The following ABCA4 variants were observed in gnomAD, a reference collection of about 807,000 sequenced individuals.
ABCA4 encodes the protein retinal-specific phospholipid-transporting ATPase ABCA4.
ABCA4 carries 196 observed loss-of-function variants against 263.7 expected under a neutral mutation model. The observed-to-expected ratio is 0.74, with a 90% confidence interval of 0.66 to 0.84. ABCA4 has a LOEUF of 0.84. Among genes scored for constraint, ABCA4 ranks in the 40% least tolerant of loss-of-function variants. ABCA4 has a pLI of 0.00. For synonymous variants in ABCA4, 1,133 were observed against 1,094.2 expected, an observed-to-expected ratio of 1.04 and a Z score of -0.70; for missense variants, 2,792 against 2,855.1, an observed-to-expected ratio of 0.98 and a Z score of 0.50.
intron 44 of ABCA4, among the ~76,000 whole-genome samples, chr1:94,003,230 A>C (rs1409259123): frequency 6.6e-6 from 1 of 152,174 alleles, no homozygotes; most frequent in Non-Finnish European, 1.5e-5. Flanking sequence ...TCTCTTCTGC[A>C]CAAGATGTAG....
chr1:94,006,039 A>G (rs1659369866), intron 43 of ABCA4, among the ~76,000 whole-genome samples: 1 of 152,194 alleles, frequency 6.6e-6, no homozygotes, highest in Non-Finnish European at 1.5e-5. Context: ...ATAACTACCC[A>G]CAGCGAGAGG....
At chr1:94,023,188 C>G (rs557683583) in intron 32 of ABCA4, among the ~76,000 whole-genome samples, 198 bp downstream of exon 32, 9 of 152,290 alleles carry the variant, frequency 5.9e-5, no homozygotes, top group South Asian at 4.1e-4. Flanking sequence ...TTATGTCCTC[C>G]AAGAAGAGGC....
chr1:94,048,793 T>C, intron 18 of ABCA4, 75 bp downstream of exon 18: 3 of 1,380,892 alleles, frequency 2.2e-6, no homozygotes, highest in Non-Finnish European at 2.1e-6. Flanking sequence ...TGCCATGAGA[T>C]GTTTTGCTCT....
intron 11 of ABCA4, among the ~76,000 whole-genome samples, chr1:94,072,681 T>C (rs192488961): frequency 6.6e-6 from 1 of 152,334 alleles, no homozygotes; most frequent in East Asian, 1.9e-4. Flanking sequence ...AGGACCCATT[T>C]GTCCTGTGTC....
Position 94,097,757 on chromosome 1 carries a change from T to C in ABCA4, c.768+1037A>G, listed in dbSNP as rs185764536. On this transcript the variant is annotated intron_variant, in intron 6 of 49. Coordinates refer to ENST00000370225, the MANE Select transcript of ABCA4 (RefSeq NM_000350.3). ...GGGTTTTTTTGGTTTGTTTGTTTGT[T>C]TGTTTTTATTGAGACGGAGTCTTGC... is the stretch of plus-strand genomic sequence containing the variant. 2.6e-3 allele frequency among the ~76,000 whole-genome samples: 389 copies of C among 152,274 alleles called. 3 individuals carry two copies. Among genetic ancestry groups the C allele is most frequent in the African/African-American group, 8.8e-3 (365 of 41,566 alleles).
At chr1:94,085,060 T>C (rs745950356) in intron 6 of ABCA4, among the ~76,000 whole-genome samples, 2 of 152,166 alleles carry the variant, frequency 1.3e-5, no homozygotes, top group South Asian at 4.1e-4. Flanking sequence ...GCTGTAGCAA[T>C]TGGGGGAAAG....
At position 94,060,742 on chromosome 1, in the gene ABCA4, T is replaced by C. The variant is rs1463298297; in HGVS notation, c.1955A>G (p.Asn652Ser). The change falls in exon 14 of 50, where the codon AAC becomes AGC. Residue 652 changes from asparagine to serine, a missense_variant. Transcript: ENST00000370225. ...CACCATGAAGATAGGGAAACAGCGG[T>C]TCAGGATGATCATGAAACTAAAGCA... The part of the protein sequence containing the change: ...FVDDSFMIIL[N>S]RCFPIFMVLA... 1.2e-6 allele frequency: 2 copies of C among 1,612,564 alleles called. No individual in the cohort carries two copies. Among genetic ancestry groups the C allele is most frequent in the Non-Finnish European group, 1.7e-6 (2 of 1,179,244 alleles).
At chr1:94,085,772 T>C (rs1055925005) in intron 6 of ABCA4, among the ~76,000 whole-genome samples, 15 of 152,172 alleles carry the variant, frequency 9.9e-5, no homozygotes, top group Admixed American at 9.8e-4. Context: ...GGACTTCTTT[T>C]TATGTCTGCT....
At chr1:94,047,467 C>A (rs1660717150) in intron 18 of ABCA4, among the ~76,000 whole-genome samples, 1 of 152,282 alleles carries the variant, frequency 6.6e-6, no homozygotes, top group Non-Finnish European at 1.5e-5. Flanking sequence ...GAACCCAGAG[C>A]CCATGCTTGT....
rs771092150 is a variant in ABCA4, at chr1:94,010,823, C to T, written c.5691G>A (p.Gln1897=). Reference sequence around the variant, plus strand: ...ACCATTGGGAGAGGAAGAAGTGGCGCTGGACCAGCAGGGTCAGGAGGAAGT... The same window carrying T: ...ACCATTGGGAGAGGAAGAAGTGGCGTTGGACCAGCAGGGTCAGGAGGAAGT... ...VVYFLLTLLV[Q]RHFFLSQWIA... The change falls in exon 40 of 50, where the codon CAG becomes CAA. Residue 1897 remains glutamine, a synonymous_variant. Coordinates refer to ENST00000370225, the MANE Select transcript of ABCA4 (RefSeq NM_000350.3). The T allele has an allele frequency of 3.7e-6, 6 of 1,614,150 alleles. No individual in the cohort carries two copies. Among genetic ancestry groups the T allele is most frequent in the Non-Finnish European group, 5.1e-6 (6 of 1,180,018 alleles).
chr1:94,097,206 T>C (rs1054707711), intron 6 of ABCA4, among the ~76,000 whole-genome samples: 2 of 152,150 alleles, frequency 1.3e-5, no homozygotes, highest in Admixed American at 1.3e-4. Flanking sequence ...GATGGTGGCA[T>C]CCCTAGGCTC....
At chr1:94,108,786 A>AT (rs4147877) in intron 3 of ABCA4, 70 bp from the exon 4 acceptor site, 49,500 of 1,191,802 alleles carry the variant, frequency 0.042, no homozygotes, top group Non-Finnish European at 0.048. Flanking sequence ...ATCTCATGCT[A>AT]TTTTTTTTTT....
intron 5 of ABCA4, among the ~76,000 whole-genome samples, chr1:94,101,328 AC>A (rs1221403684): frequency 6.6e-6 from 1 of 152,066 alleles, no homozygotes; most frequent in African/African-American, 2.4e-5. Context: ...TGCCGACAGC[AC>A]CCCCTCTGTG....
chr1:94,022,016 CG>C (rs2101024365), intron 32 of ABCA4, 65 bp from the exon 33 acceptor site: 1 of 1,378,078 alleles, frequency 7.3e-7, no homozygotes, highest in African/African-American at 1.4e-5. Flanking sequence ...GTAGCTCTCT[CG>C]GGTTTTGTAG....
intron 10 of ABCA4, among the ~76,000 whole-genome samples, chr1:94,078,191 C>A (rs1661590394): frequency 6.6e-6 from 1 of 152,138 alleles, no homozygotes; most frequent in African/African-American, 2.4e-5. Flanking sequence ...TTGAGTGTCC[C>A]TGATATATAG....
chr1:94,040,047 C>T lies in ABCA4; in HGVS notation c.3603G>A (p.Leu1201=), dbSNP rs368951547. ...TATGGCCCGTCCAGTCCTTACCATC[C>T]AGGACTTGTTCTGGAGTTAGGTCAT... is the stretch of plus-strand genomic sequence containing the variant. ...HVDDLTPEQV[L]DGDVNELMDV... Residue 1201 remains leucine, a synonymous_variant, in exon 24 of 50, where the codon CTG becomes CTA. Transcript: ENST00000370225. 15 of 1,603,034 alleles carry T rather than the reference C, an allele frequency of 9.4e-6. No homozygotes were observed. Among genetic ancestry groups the T allele is most frequent in the Non-Finnish European group, 1.3e-5 (15 of 1,173,998 alleles).
chr1:94,015,174 T>C (rs1443957727), intron 37 of ABCA4, among the ~76,000 whole-genome samples: 1 of 152,208 alleles, frequency 6.6e-6, no homozygotes, highest in Admixed American at 6.5e-5. Context: ...CCAGGATCAC[T>C]ATTTTCTTTT....
intron 1 of ABCA4, among the ~76,000 whole-genome samples, chr1:94,115,296 C>A (rs1662728327): frequency 6.6e-6 from 1 of 152,202 alleles, no homozygotes; most frequent in African/African-American, 2.4e-5. Flanking sequence ...GGCTTTCTAT[C>A]ACGTAGATCG....
At chr1:94,064,732 C>T (rs1661218317) in intron 11 of ABCA4, among the ~76,000 whole-genome samples, 1 of 152,102 alleles carries the variant, frequency 6.6e-6, no homozygotes, top group Non-Finnish European at 1.5e-5. Context: ...GACAGCAGCA[C>T]TAGAAAGGAG....
Sources: allele counts gnomAD v4.1 joint callset (sites outside exome capture counted in the v4.1 genomes callset), GRCh38; gene constraint gnomAD v4.1.1; transcripts MANE v1.5; gene names NCBI Gene and HGNC (gene_info 2026-07-23, HGNC 2026-07-21).